Variants in GPR176 observed in about 807,000 individuals in gnomAD.
GPR176 encodes G protein-coupled receptor 176.
Under a neutral mutation model 35.4 loss-of-function variants are expected in GPR176, and 26 were observed. The observed-to-expected ratio is 0.74, with a 90% CI of 0.54 to 1.02. The LOEUF (loss-of-function observed/expected upper bound fraction) is 1.02. Among genes scored for constraint, GPR176 ranks in the 50% least tolerant of loss-of-function variants. The probability of loss-of-function intolerance (pLI) is 0.00; values close to 1 mark genes in which losing one functional copy is unlikely to be tolerated. For synonymous variants in GPR176, 278 were observed against 271.3 expected (o/e 1.02, Z -0.24); for missense variants, 597 against 665.3 (o/e 0.90, Z 1.13).
chr15:39,838,514 C>T (rs1901545919), intron 1 of GPR176, among the ~76,000 whole-genome samples: 1 of 151,964 alleles, frequency 6.6e-6, no homozygotes, highest in Non-Finnish European at 1.5e-5. Flanking sequence ...ATTAATAGCC[C>T]ATAAGGGTTC....
intron 1 of GPR176, among the ~76,000 whole-genome samples, chr15:39,856,091 A>T (rs2031199181): frequency 6.6e-6 from 1 of 152,212 alleles, no homozygotes; most frequent in African/African-American, 2.4e-5. Flanking sequence ...AACCATGCTC[A>T]AAACGACAGC....
At chr15:39,812,745 AT>A (rs144015459) in intron 1 of GPR176, among the ~76,000 whole-genome samples, 69,836 of 144,910 alleles carry the variant, frequency 0.48, 16,546 homozygotes, top group Admixed American at 0.54. Context: ...TCTAAGCTTT[AT>A]TTTTTTTTTT....
chr15:39,842,399 T>C (rs1226236944), intron 1 of GPR176, among the ~76,000 whole-genome samples: 5 of 152,092 alleles, frequency 3.3e-5, no homozygotes, highest in Admixed American at 6.6e-5. Flanking sequence ...AACCACCCCA[T>C]GATCCAATCA....
At chr15:39,852,337 AC>A (rs1486798315) in intron 1 of GPR176, among the ~76,000 whole-genome samples, 1 of 152,154 alleles carries the variant, frequency 6.6e-6, no homozygotes, top group Non-Finnish European at 1.5e-5. Flanking sequence ...ATCTTTCTCA[AC>A]ACAACATTCC....
rs548972591 is a variant in GPR176 at position 39,856,968 on chromosome 15, G to A, written c.173-49710C>T. On this transcript the variant is annotated intron_variant, in intron 1 of 2. Transcript: ENST00000561100. ...GGTTGAGTTTGGGGAAGATTCCGGT[G>A]CACAGTAGGCATTCCATATGTCTTT... is the stretch of plus-strand genomic sequence containing the variant. Among the ~76,000 whole-genome samples the A allele has an allele frequency of 2.1e-4, 32 of 152,086 alleles. 1 individual carries two copies. The South Asian group carries it at 6.3e-3, about 30-fold the overall frequency.
rs1898865697 is a variant in GPR176 at position 39,801,607 on chromosome 15, C to A, written c.1073G>T (p.Ser358Ile). The A allele has an allele frequency of 6.2e-7, 1 of 1,614,096 alleles. No homozygotes were observed. Among genetic ancestry groups the A allele is most frequent in the African/African-American group, 1.3e-5 (1 of 75,060 alleles). Residue 358 changes from serine (S) to isoleucine (I), a missense_variant, in exon 3 of 3, where the codon AGC (serine) becomes ATC (isoleucine). By Grantham distance (142) the Ser-to-Ile change is moderately radical (BLOSUM62 -2). Around this residue, in one of 3 missense-constraint regions of GPR176, gnomAD observed 251 missense variants for 255.4 expected, o/e 0.98. Coordinates refer to ENST00000561100, the MANE Select transcript of GPR176 (RefSeq NM_007223.3). The part of the protein sequence containing the change: ...VSTGSGMAEA[S>I]LEPSIRSGSQ... ...ACCCGAGCGTATGCTGGGTTCCAGGCTGGCCTCAGCCATGCCACTCCCTGT... is the reference window on the plus strand; with the variant it reads ...ACCCGAGCGTATGCTGGGTTCCAGGATGGCCTCAGCCATGCCACTCCCTGT...
intron 1 of GPR176, among the ~76,000 whole-genome samples, chr15:39,894,737 T>C (rs1306863724): frequency 1.5e-5 from 2 of 134,444 alleles, no homozygotes; most frequent in Non-Finnish European, 1.6e-5. Flanking sequence ...CTTTCCAGAC[T>C]GGGCAGCCAG....
At chr15:39,819,275 A>G (rs1900112707) in intron 1 of GPR176, among the ~76,000 whole-genome samples, 1 of 152,162 alleles carries the variant, frequency 6.6e-6, no homozygotes, top group Non-Finnish European at 1.5e-5. Flanking sequence ...TAAATTACTC[A>G]TGCAAAAGGC....
chr15:39,908,362 C>T (rs1027051887), intron 1 of GPR176, among the ~76,000 whole-genome samples: 9 of 152,150 alleles, frequency 5.9e-5, no homozygotes, highest in East Asian at 5.8e-4. Flanking sequence ...TGCATCAGGC[C>T]CTGCAGGGCT....
intron 1 of GPR176, among the ~76,000 whole-genome samples, chr15:39,908,371 C>T (rs275731): frequency 5.4e-4 from 82 of 152,244 alleles, no homozygotes; most frequent in African/African-American, 1.8e-3. Flanking sequence ...CCCTGCAGGG[C>T]TGTGAGAATG....
At position 39,837,230 on chromosome 15, in the gene GPR176, T is replaced by C. The variant is rs373671681; in HGVS notation, c.173-29972A>G. 1.8e-4 allele frequency among the ~76,000 whole-genome samples: 28 copies of C among 152,236 alleles called. No homozygotes were observed. The East Asian group carries it at 3.1e-3, about 17-fold the overall frequency. On this transcript the variant is annotated intron_variant, in intron 1 of 2. Coordinates refer to ENST00000561100, the MANE Select transcript of GPR176 (RefSeq NM_007223.3). ...TCTAATAAAAATCCTCCAATGCCTG[T>C]TCTCTACTCACAGGATAAAATCTCA... is the stretch of plus-strand genomic sequence containing the variant.
intron 1 of GPR176, among the ~76,000 whole-genome samples, chr15:39,902,890 G>A (rs1284810797): frequency 6.6e-5 from 10 of 152,146 alleles, no homozygotes. Flanking sequence ...AAAAATTCTT[G>A]CTCAGAAAAT....
intron 1 of GPR176, among the ~76,000 whole-genome samples, chr15:39,816,673 A>G (rs1566938551): frequency 6.6e-6 from 1 of 152,240 alleles, no homozygotes; most frequent in Non-Finnish European, 1.5e-5. Flanking sequence ...TCATTATGGA[A>G]AGAGTTTTCT....
intron 1 of GPR176, among the ~76,000 whole-genome samples, chr15:39,901,883 G>T (rs1356543966): frequency 6.6e-6 from 1 of 151,716 alleles, no homozygotes; most frequent in African/African-American, 2.4e-5. Flanking sequence ...AGACCAGCCT[G>T]GCCAATATGT....
At chr15:39,888,681 A>G (rs1206110367) in intron 1 of GPR176, among the ~76,000 whole-genome samples, 1 of 152,106 alleles carries the variant, frequency 6.6e-6, no homozygotes, top group Non-Finnish European at 1.5e-5. Flanking sequence ...TTCTTCCCCT[A>G]CAATGTGTAA....
intron 1 of GPR176, among the ~76,000 whole-genome samples, chr15:39,879,568 T>C (rs930477011): frequency 2.0e-5 from 3 of 152,112 alleles, no homozygotes; most frequent in African/African-American, 4.8e-5. Context: ...TTACTCCCCT[T>C]TCCTCTCTAA....
chr15:39,813,959 G>A (rs1899736289), intron 1 of GPR176, among the ~76,000 whole-genome samples: 1 of 152,058 alleles, frequency 6.6e-6, no homozygotes, highest in Non-Finnish European at 1.5e-5. Flanking sequence ...ATTACCAAAG[G>A]ACTCTCCACA....
intron 1 of GPR176, among the ~76,000 whole-genome samples, chr15:39,848,093 C>T (rs2140803385): frequency 6.6e-6 from 1 of 152,220 alleles, no homozygotes; most frequent in African/African-American, 2.4e-5. Context: ...TTACAAACCA[C>T]CTTCATGATT....
chr15:39,826,081 C>G (rs892985559), intron 1 of GPR176, among the ~76,000 whole-genome samples: 2 of 152,060 alleles, frequency 1.3e-5, no homozygotes, highest in African/African-American at 4.8e-5. Context: ...TGTGAGCACG[C>G]ACTGCTCTGG....
Sources: allele counts gnomAD v4.1 joint callset (sites outside exome capture counted in the v4.1 genomes callset), GRCh38; gene constraint gnomAD v4.1.1; regional missense constraint gnomAD v4.1.1; transcripts MANE v1.5; gene names NCBI Gene and HGNC (gene_info 2026-07-23, HGNC 2026-07-21).